PTDSS1: variants seen among roughly 807,000 people sequenced by gnomAD.
PTDSS1 encodes phosphatidylserine synthase 1, also known as PSS-1.
In PTDSS1, 45 loss-of-function variants were observed where a neutral mutation model predicts 70.5. That is an observed-to-expected ratio of 0.64 (90% confidence interval 0.50 to 0.82). The LOEUF (loss-of-function observed/expected upper bound fraction) is 0.82. Among genes scored for constraint, PTDSS1 ranks in the 40% least tolerant of loss-of-function variants. The pLI is 0.00. For missense variants in PTDSS1, 417 were observed against 586.1 expected, an observed-to-expected ratio of 0.71 and a Z score of 2.98; for synonymous variants, 188 against 203.8, an observed-to-expected ratio of 0.92 and a Z score of 0.66.
intron 6 of PTDSS1, among the ~76,000 whole-genome samples, chr8:96,300,865 C>T (rs1051284455): frequency 5.9e-5 from 9 of 152,030 alleles, no homozygotes; most frequent in African/African-American, 1.5e-4. Flanking sequence ...TAGTGTGCAT[C>T]GCCTTTTTTT....
intron 10 of PTDSS1, 60 bp from the exon 11 acceptor site, chr8:96,330,153 A>G: frequency 1.4e-6 from 2 of 1,480,810 alleles, no homozygotes; most frequent in Middle Eastern, 3.4e-4. Flanking sequence ...TCCCACTGAA[A>G]CCCTGAAGTT....
At chr8:96,325,224 G>A (rs1811422117) in intron 10 of PTDSS1, among the ~76,000 whole-genome samples, 1 of 152,234 alleles carries the variant, frequency 6.6e-6, no homozygotes, top group African/African-American at 2.4e-5. Context: ...AGGTAGTTAA[G>A]TGGCAGAACC....
chr8:96,271,641 G>T (rs1810567695), intron 1 of PTDSS1, among the ~76,000 whole-genome samples: 1 of 152,160 alleles, frequency 6.6e-6, no homozygotes. Flanking sequence ...CCATAAAGGT[G>T]ATTTATTTAT....
chr8:96,280,717 A>G (rs566380430), intron 2 of PTDSS1, among the ~76,000 whole-genome samples: 16 of 152,306 alleles, frequency 1.1e-4, no homozygotes, highest in Admixed American at 9.8e-4. Flanking sequence ...CAATTCTCCA[A>G]CATAAGCAAG....
rs1811549614 is a variant in PTDSS1 at position 96,333,551 on chromosome 8, C to T, written c.1407C>T (p.Gly469=). The part of the protein sequence containing the change: ...NRHSKSKVTN[G]VGKK ...ATTCCAAGTCAAAAGTCACCAATGG[C>T]GTTGGAAAGAAATGAAAAACCCTGG... Residue 469 remains glycine (G), a synonymous_variant, in exon 13 of 13, where the codon GGC becomes GGT. Coordinates refer to ENST00000517309, the MANE Select transcript of PTDSS1 (RefSeq NM_014754.3). 2 of 1,609,836 alleles carry T rather than the reference C, an allele frequency of 1.2e-6. No individual in the cohort carries two copies. Among genetic ancestry groups the T allele is most frequent in the South Asian group, 2.2e-5 (2 of 90,968 alleles).
chr8:96,271,976 A>G (rs969764735), intron 1 of PTDSS1, among the ~76,000 whole-genome samples: 1 of 152,184 alleles, frequency 6.6e-6, no homozygotes, highest in African/African-American at 2.4e-5. Context: ...CAAACTCTTC[A>G]TATGCTTTGC....
At chr8:96,292,895 G>C (rs1563570583) in intron 4 of PTDSS1, among the ~76,000 whole-genome samples, 2 of 152,208 alleles carry the variant, frequency 1.3e-5, no homozygotes, top group Non-Finnish European at 2.9e-5. Context: ...TGTGCTGTCT[G>C]TAAGCAAATA....
chr8:96,332,421 T>G (rs369285941), intron 12 of PTDSS1, among the ~76,000 whole-genome samples: 1 of 152,230 alleles, frequency 6.6e-6, no homozygotes, highest in Non-Finnish European at 1.5e-5. Context: ...TAAGTTCTTT[T>G]GGCATCAGGC....
intron 1 of PTDSS1, among the ~76,000 whole-genome samples, chr8:96,265,481 A>T (rs939604659): frequency 6.6e-6 from 1 of 152,214 alleles, no homozygotes; most frequent in Non-Finnish European, 1.5e-5. Context: ...TCCTGTCTTT[A>T]TCACCATCAT....
At chr8:96,273,736 C>G (rs1554582241) in intron 2 of PTDSS1, among the ~76,000 whole-genome samples, 1 of 152,146 alleles carries the variant, frequency 6.6e-6, no homozygotes, top group Non-Finnish European at 1.5e-5. Flanking sequence ...TTGTTATTAT[C>G]AGTTGAGTCA....
chr8:96,329,780 C>T (rs1433839095), intron 10 of PTDSS1, among the ~76,000 whole-genome samples: 1 of 152,188 alleles, frequency 6.6e-6, no homozygotes, highest in Non-Finnish European at 1.5e-5. Context: ...CCTCAGGTGC[C>T]GCTGTGACCT....
intron 9 of PTDSS1, among the ~76,000 whole-genome samples, chr8:96,310,764 T>C (rs1811199060): frequency 6.6e-6 from 1 of 151,996 alleles, no homozygotes; most frequent in Non-Finnish European, 1.5e-5. Context: ...GATTCAAATG[T>C]TATATCTTTT....
At chr8:96,324,588 C>A (rs547775817) in intron 10 of PTDSS1, among the ~76,000 whole-genome samples, 1 of 152,270 alleles carries the variant, frequency 6.6e-6, no homozygotes, top group East Asian at 1.9e-4. Context: ...ACAAGTGCAC[C>A]AGACAGAGAG....
At chr8:96,306,020 A>C (rs1586200110) in intron 7 of PTDSS1, among the ~76,000 whole-genome samples, 1 of 152,186 alleles carries the variant, frequency 6.6e-6, no homozygotes, top group African/African-American at 2.4e-5. Flanking sequence ...ACTTATCTAC[A>C]TTTGGAATTC....
At position 96,277,722 on chromosome 8, in the gene PTDSS1, C is replaced by T. The variant is rs185267477; in HGVS notation, c.271+4332C>T. On this transcript the variant is annotated intron_variant, in intron 2 of 12. Transcript: ENST00000517309. Reference sequence around the variant, plus strand: ...TGGATTGTGTCCATTTGTCTCATCACGTATGTGTGAGTTCATGTATGTTAT... The same window carrying T: ...TGGATTGTGTCCATTTGTCTCATCATGTATGTGTGAGTTCATGTATGTTAT... 1.8e-3 allele frequency among the ~76,000 whole-genome samples: 270 copies of T among 152,208 alleles called. 1 individual carries two copies. The highest frequency in any genetic ancestry group is 3.9e-3 in the South Asian group (19 of 4,822).
At chr8:96,317,885 G>GTA in intron 9 of PTDSS1, among the ~76,000 whole-genome samples, 1 of 17,836 alleles carries the variant, frequency 5.6e-5, no homozygotes, top group Middle Eastern at 0.028. Flanking sequence ...TTCAGTGTGT[G>GTA]TGTGTGTGTG....
At chr8:96,325,972 A>G (rs1488788660) in intron 10 of PTDSS1, among the ~76,000 whole-genome samples, 6 of 152,168 alleles carry the variant, frequency 3.9e-5, no homozygotes, top group Non-Finnish European at 5.9e-5. Context: ...TCCTCCACAC[A>G]AGAAGAAACT....
In PTDSS1 at chr8:96,304,061, G is replaced by A. The variant is rs1208757948; in HGVS notation, c.774G>A (p.Gly258=). The A allele has an allele frequency of 6.2e-7, 1 of 1,612,680 alleles. No homozygotes were observed. The highest frequency in any genetic ancestry group is 8.5e-7 in the Non-Finnish European group (1 of 1,179,558). The change falls in exon 7 of 13, where the codon GGG becomes GGA. Residue 258 remains glycine (G), a synonymous_variant. Transcript: ENST00000517309. The stretch of plus-strand genomic sequence containing the variant: ...ACAGGGACATTCATACCACCACCGG[G>A]AAGATCAAGAGAGCTGTTCTGCAGT... ...ASFKDIHTTT[G]KIKRAVLQFT...
intron 9 of PTDSS1, among the ~76,000 whole-genome samples, chr8:96,312,645 G>T (rs775282252): frequency 6.6e-6 from 1 of 152,126 alleles, no homozygotes; most frequent in African/African-American, 2.4e-5. Context: ...GTGATACCGA[G>T]ATTGAAGACT....
Sources: allele counts gnomAD v4.1 joint callset (sites outside exome capture counted in the v4.1 genomes callset), GRCh38; gene constraint gnomAD v4.1.1; transcripts MANE v1.5; gene names NCBI Gene and HGNC (gene_info 2026-07-23, HGNC 2026-07-21).